Variants in RPH3AL observed in about 807,000 individuals in gnomAD.
The protein encoded by RPH3AL is rabphilin 3A like (without C2 domains).
In RPH3AL, 38 loss-of-function variants were observed where a neutral mutation model predicts 43.1. That is an observed-to-expected ratio of 0.88 (90% CI 0.68 to 1.15). The LOEUF is 1.15. Ranked by LOEUF, RPH3AL falls within the 50% of genes most tolerant of loss-of-function variation. The pLI, the probability that RPH3AL is intolerant of heterozygous loss-of-function variation, is 0.00. For synonymous variants in RPH3AL, 189 were observed against 176.3 expected (o/e 1.07, Z -0.57); for missense variants, 462 against 423.2 (o/e 1.09, Z -0.81).
intron 6 of RPH3AL, chr17:261,639 C>T (rs2042196751): frequency 6.6e-6 from 1 of 152,198 alleles, no homozygotes; most frequent in South Asian, 2.1e-4. Context: ...CAGTGGCCGC[C>T]CAAAGACTCT....
At chr17:258,270 C>T (rs548255613) in intron 6 of RPH3AL, among the ~76,000 whole-genome samples, 1 of 152,342 alleles carries the variant, frequency 6.6e-6, no homozygotes, top group Non-Finnish European at 1.5e-5. Context: ...TTTCTTCAAG[C>T]TCCTAGCACA....
chr17:281,382 T>G (rs1279445177), intron 6 of RPH3AL, among the ~76,000 whole-genome samples: 1 of 152,122 alleles, frequency 6.6e-6, no homozygotes, highest in Non-Finnish European at 1.5e-5. Context: ...AAGGAACTTA[T>G]GGCAGTGCCA....
At position 270,803 on chromosome 17, in the gene RPH3AL, G is replaced by A. The variant is rs1458139488; in HGVS notation, c.438+10965C>T. ...AATTAGATCCCATTTGTCTATTTTG[G>A]CTTTTGTTGCCATTGCTTTTGGTGT... is the stretch of plus-strand genomic sequence containing the variant. On this transcript the variant is annotated intron_variant, in intron 6 of 9. Coordinates refer to ENST00000331302, the MANE Select transcript of RPH3AL (RefSeq NM_006987.4). Among the ~76,000 whole-genome samples the A allele has an allele frequency of 7.2e-5, 11 of 152,124 alleles. No individual in the cohort carries two copies. In the East Asian group the frequency reaches 1.3e-3, roughly 19 times the overall value.
chr17:219,693 G>A lies in RPH3AL; in HGVS notation c.657C>T (p.Ser219=), dbSNP rs149602195. 1.3e-5 allele frequency: 21 copies of A among 1,613,370 alleles called. No homozygotes were observed. The highest frequency in any genetic ancestry group is 6.7e-5 in the African/African-American group (5 of 74,728). Residue 219 remains serine (S), a synonymous_variant, in exon 8 of 10, where the codon TCC becomes TCT. Transcript: ENST00000331302. ...DSDSDSDLSS[S]SLEDRLPSTG... ...TGGATGGGAGTCTGTCCTCTAGGCT[G>A]GAGGAGCTAAGATCCGAGTCACTGT...
intron 6 of RPH3AL, among the ~76,000 whole-genome samples, chr17:253,056 C>T (rs1269097681): frequency 6.6e-6 from 1 of 152,220 alleles, no homozygotes; most frequent in Non-Finnish European, 1.5e-5. Context: ...TCGGCTTACA[C>T]TTCCTGGTGG....
chr17:272,333 T>C (rs1387637092), intron 6 of RPH3AL, among the ~76,000 whole-genome samples: 3 of 151,866 alleles, frequency 2.0e-5, no homozygotes, highest in South Asian at 2.1e-4. Context: ...CTATTCACAA[T>C]AGCAAAGACT....
At chr17:258,334 A>C (rs1555545118) in intron 6 of RPH3AL, among the ~76,000 whole-genome samples, 2 of 152,234 alleles carry the variant, frequency 1.3e-5, no homozygotes, top group African/African-American at 4.8e-5. Flanking sequence ...CTGTGCTGGC[A>C]GCTGCGGGTC....
chr17:282,922 G>A (rs557049871), intron 5 of RPH3AL, among the ~76,000 whole-genome samples: 3 of 152,350 alleles, frequency 2.0e-5, no homozygotes, highest in Admixed American at 6.5e-5. Context: ...TTTGCTGGCC[G>A]AAACGTCATT....
rs72631437 is a variant in RPH3AL, at chr17:283,320, G to A, written c.352-1466C>T. The stretch of plus-strand genomic sequence containing the variant: ...GCGTGTGGAGGTCACTGGCCTGATC[G>A]GGTGGCCGAGCTCAGTGCCCCTGGG... On this transcript the variant is annotated intron_variant, in intron 5 of 9. Transcript: ENST00000331302. This position sits in a 1 kb window ranked among gnomAD's most constrained non-coding sequence, Gnocchi z 4.2. Among the ~76,000 whole-genome samples, 16,446 of 152,192 alleles carry A rather than the reference G, an allele frequency of 0.11. 1,646 individuals are homozygous for A. The highest frequency in any genetic ancestry group is 0.53 in the East Asian group (2,746 of 5,148).
At chr17:273,262 G>A (rs1282204415) in intron 6 of RPH3AL, among the ~76,000 whole-genome samples, 2 of 109,288 alleles carry the variant, frequency 1.8e-5, no homozygotes, top group African/African-American at 6.2e-5. Flanking sequence ...CCCCAGCGAG[G>A]GTGACGTCAG....
At chr17:339,661 G>A (rs1455880172) in intron 1 of RPH3AL, 3 of 152,252 alleles carry the variant, frequency 2.0e-5, no homozygotes, top group African/African-American at 7.2e-5. Flanking sequence ...GCCCAGTTTG[G>A]CCCAACGGAG....
At chr17:332,211 T>G (rs2044791417) in intron 2 of RPH3AL, 1 of 306,856 alleles carries the variant, frequency 3.3e-6, no homozygotes, top group East Asian at 8.2e-5. Flanking sequence ...AGAGACGTGA[T>G]CCCCAGGGCC....
At chr17:305,341 C>T (rs907089934) in intron 5 of RPH3AL, among the ~76,000 whole-genome samples, 4 of 152,048 alleles carry the variant, frequency 2.6e-5, no homozygotes, top group South Asian at 2.1e-4. Context: ...TGCCACACTG[C>T]GGAGGCCCCA....
chr17:260,972 A>T (rs1374962533), intron 6 of RPH3AL, among the ~76,000 whole-genome samples: 3 of 152,132 alleles, frequency 2.0e-5, no homozygotes, highest in Admixed American at 6.5e-5. Context: ...ATAATCTTGC[A>T]TGTTTCCACA....
chr17:313,846 C>T lies in RPH3AL; in HGVS notation c.351+5574G>A, dbSNP rs376106064. On this transcript the variant is annotated intron_variant, in intron 5 of 9. Transcript: ENST00000331302. ...AGAAGGAAGAGTGAACCCTCCAAAGCCCCCAAATGCCCACCATCCAGCTGT... is the reference window on the plus strand; with the variant it reads ...AGAAGGAAGAGTGAACCCTCCAAAGTCCCCAAATGCCCACCATCCAGCTGT... Among the ~76,000 whole-genome samples, 6 of 152,224 alleles carry T rather than the reference C, an allele frequency of 3.9e-5. 2 individuals carry two copies. The highest frequency in any genetic ancestry group is 1.9e-4 in the East Asian group (1 of 5,170).
chr17:267,574 C>T (rs776002570), intron 6 of RPH3AL, among the ~76,000 whole-genome samples: 2 of 152,250 alleles, frequency 1.3e-5, no homozygotes, highest in African/African-American at 4.8e-5. Flanking sequence ...TGACCCCAAT[C>T]GGCAGGGCTC....
chr17:307,958 T>C (rs1242974019), intron 5 of RPH3AL, among the ~76,000 whole-genome samples: 2 of 152,200 alleles, frequency 1.3e-5, no homozygotes, highest in Non-Finnish European at 2.9e-5. Context: ...TCCCAGCAAC[T>C]GCAGCCAAGT....
Position 264,407 on chromosome 17 carries a change from G to A in RPH3AL, c.439-17122C>T, listed in dbSNP as rs55851847. The stretch of plus-strand genomic sequence containing the variant: ...GCAGGATTACCCTTCGGAGCCGTGC[G>A]CGCTGGATGGGGACTCAGAATCTGC... On this transcript the variant is annotated intron_variant, in intron 6 of 9. Transcript: ENST00000331302. This position sits in a 1 kb window ranked among gnomAD's most constrained non-coding sequence, Gnocchi z 4.8. Among the ~76,000 whole-genome samples, 77 of 57,270 alleles carry A rather than the reference G, an allele frequency of 1.3e-3. 2 individuals carry two copies. The highest frequency in any genetic ancestry group is 4.1e-3 in the African/African-American group (65 of 15,928). The allele number at this position is 57,270 out of a possible 152,430, so 37.6% of individuals were successfully genotyped here.
At chr17:334,621 AC>A (rs776747743) in intron 1 of RPH3AL, among the ~76,000 whole-genome samples, 1 of 128,560 alleles carries the variant, frequency 7.8e-6, no homozygotes, top group African/African-American at 2.8e-5. Context: ...CAAGGCAACC[AC>A]CCCACCCAGT....
Sources: allele counts gnomAD v4.1 joint callset (sites outside exome capture counted in the v4.1 genomes callset), GRCh38; gene constraint gnomAD v4.1.1; non-coding constraint Gnocchi (gnomAD v3.1); transcripts MANE v1.5; gene names NCBI Gene and HGNC (gene_info 2026-07-23, HGNC 2026-07-21).